Variants in CNBD1 observed in about 807,000 individuals in gnomAD.
CNBD1 encodes the protein cyclic nucleotide binding domain containing 1.
A neutral mutation model predicts 54.4 loss-of-function variants in CNBD1; 71 were observed. That is an observed-to-expected ratio of 1.30 (90% CI 1.08 to 1.59). CNBD1 has a LOEUF of 1.59. Ranked by LOEUF, CNBD1 falls within the 40% of genes most tolerant of loss-of-function variation. CNBD1 has a pLI of 0.00. For synonymous variants in CNBD1, 182 were observed against 170.7 expected, an observed-to-expected ratio of 1.07 and a Z score of -0.51; for missense variants, 659 against 518.0, an observed-to-expected ratio of 1.27 and a Z score of -2.64.
intron 4 of CNBD1, among the ~76,000 whole-genome samples, chr8:87,063,092 C>T (rs1810578431): frequency 6.6e-6 from 1 of 152,156 alleles, no homozygotes; most frequent in Admixed American, 6.5e-5. Flanking sequence ...CTACTGAGGT[C>T]TGCAATGACA....
chr8:87,392,094 C>G lies in CNBD1; in HGVS notation c.214-36452C>G, dbSNP rs75057051. 5.9e-3 allele frequency among the ~76,000 whole-genome samples: 903 copies of G among 152,052 alleles called. 27 individuals carry two copies. Among genetic ancestry groups the G allele is most frequent in the Admixed American group, 0.042 (639 of 15,248 alleles). ...GTTATTAGGAAGATGAAAATCAGAA[C>G]AGCAGTGAGATAAGATTTCATACCT... On this transcript the variant is annotated intron_variant, in intron 2 of 7. Transcript: ENST00000521593.
At chr8:87,007,136 G>A (rs929317203) in intron 4 of CNBD1, among the ~76,000 whole-genome samples, 2 of 151,864 alleles carry the variant, frequency 1.3e-5, no homozygotes, top group African/African-American at 4.8e-5. Flanking sequence ...GGCGGAGGTT[G>A]CAGTGAACCA....
At chr8:87,199,805 T>A (rs928720866) in intron 4 of CNBD1, among the ~76,000 whole-genome samples, 2 of 152,180 alleles carry the variant, frequency 1.3e-5, no homozygotes, top group African/African-American at 4.8e-5. Context: ...TAGGTGTACC[T>A]TCCATTTTAA....
intron 6 of CNBD1, among the ~76,000 whole-genome samples, chr8:87,284,331 AAAAC>A (rs575831338): frequency 1.4e-4 from 22 of 152,316 alleles, no homozygotes; most frequent in Admixed American, 9.2e-4. Flanking sequence ...ATGTGATAAT[AAAAC>A]AAACAGAAGA....
chr8:87,416,786 C>T (rs1476058750), intron 2 of CNBD1, among the ~76,000 whole-genome samples: 2 of 152,010 alleles, frequency 1.3e-5, no homozygotes, highest in Non-Finnish European at 2.9e-5. Flanking sequence ...TTTTCCAATG[C>T]ATTCTATGAG....
chr8:87,159,009 ATTAT>A (rs950685001), intron 4 of CNBD1, among the ~76,000 whole-genome samples: 6 of 152,246 alleles, frequency 3.9e-5, no homozygotes, highest in African/African-American at 1.4e-4. Context: ...TATGGAATCC[ATTAT>A]TTATTTCATT....
chr8:87,392,011 G>C (rs1348025668), intron 2 of CNBD1, among the ~76,000 whole-genome samples: 1 of 151,910 alleles, frequency 6.6e-6, no homozygotes, highest in Non-Finnish European at 1.5e-5. Flanking sequence ...GGCAGGAATG[G>C]GCCTTTCTCT....
intron 4 of CNBD1, among the ~76,000 whole-genome samples, chr8:87,200,561 G>T (rs1813839100): frequency 6.6e-6 from 1 of 152,058 alleles, no homozygotes; most frequent in Non-Finnish European, 1.5e-5. Context: ...TGACTAAAAT[G>T]AGTAATGAAA....
intron 2 of CNBD1, among the ~76,000 whole-genome samples, chr8:87,421,575 T>A (rs1367955828): frequency 2.6e-5 from 4 of 151,978 alleles, no homozygotes; most frequent in African/African-American, 9.7e-5. Context: ...GATTTCCGAT[T>A]TCATCCATGT....
At chr8:86,945,410 CA>C (rs1166816512) in intron 4 of CNBD1, among the ~76,000 whole-genome samples, 1 of 152,124 alleles carries the variant, frequency 6.6e-6, no homozygotes, top group Non-Finnish European at 1.5e-5. Flanking sequence ...GGAAGAACAT[CA>C]GGGTTTTTGC....
At chr8:87,422,225 G>T (rs1315551736) in intron 2 of CNBD1, among the ~76,000 whole-genome samples, 1 of 146,846 alleles carries the variant, frequency 6.8e-6, no homozygotes, top group African/African-American at 2.6e-5. Flanking sequence ...TTTGTAGGTT[G>T]CCTGTTCACT....
chr8:87,067,174 G>C (rs1024879343), intron 4 of CNBD1, among the ~76,000 whole-genome samples: 1 of 151,946 alleles, frequency 6.6e-6, no homozygotes, highest in Non-Finnish European at 1.5e-5. Context: ...GAGATAGAAT[G>C]TTAAATATGT....
intron 2 of CNBD1, among the ~76,000 whole-genome samples, chr8:87,422,988 A>T (rs1247086176): frequency 6.6e-6 from 1 of 151,806 alleles, no homozygotes; most frequent in East Asian, 1.9e-4. Flanking sequence ...GAGGTCCTTC[A>T]CATCCCTTGT....
chr8:87,207,779 T>C (rs1161852295), intron 5 of CNBD1, among the ~76,000 whole-genome samples: 1 of 150,194 alleles, frequency 6.7e-6, no homozygotes, highest in African/African-American at 2.4e-5. Flanking sequence ...AATATGAATT[T>C]TCAATCTTTC....
intron 10 of CNBD1, among the ~76,000 whole-genome samples, chr8:87,376,182 G>C (rs1455895474): frequency 6.6e-6 from 1 of 151,838 alleles, no homozygotes; most frequent in African/African-American, 2.4e-5. Context: ...ACCATGGGCT[G>C]GGTGGCTTAA....
At chr8:87,176,348 G>A (rs1813196944) in intron 4 of CNBD1, among the ~76,000 whole-genome samples, 1 of 152,148 alleles carries the variant, frequency 6.6e-6, no homozygotes, top group Non-Finnish European at 1.5e-5. Context: ...AACAAACCCA[G>A]TAATAGGCTT....
chr8:87,362,447 C>G (rs1170330236), intron 10 of CNBD1, among the ~76,000 whole-genome samples: 1 of 152,034 alleles, frequency 6.6e-6, no homozygotes. Context: ...TGATTATCTA[C>G]AAAAAAATTT....
intron 4 of CNBD1, among the ~76,000 whole-genome samples, chr8:86,995,111 G>A (rs1808839840): frequency 6.6e-6 from 1 of 152,140 alleles, no homozygotes; most frequent in Admixed American, 6.5e-5. Context: ...TGGGGATGCA[G>A]GTGGAACAAA....
intron 4 of CNBD1, among the ~76,000 whole-genome samples, chr8:86,964,455 C>T (rs189118606): frequency 6.6e-6 from 1 of 152,306 alleles, no homozygotes; most frequent in Non-Finnish European, 1.5e-5. Context: ...TGCTTTTCAG[C>T]AGTGGTCAGG....
Sources: gnomAD v4.1 joint callset for allele counts (sites outside exome capture counted in the v4.1 genomes callset) on GRCh38, gnomAD v4.1.1 for gene constraint, MANE v1.5 for transcripts, NCBI Gene and HGNC (gene_info 2026-07-23, HGNC 2026-07-21) for gene names.